CA13: variants seen among roughly 807,000 people sequenced by gnomAD.
The protein encoded by CA13 is carbonic anhydrase 13.
In CA13, 21 loss-of-function variants were observed where a neutral mutation model predicts 31.5. The observed-to-expected ratio is 0.67, with a 90% confidence interval of 0.47 to 0.96. The LOEUF (loss-of-function observed/expected upper bound fraction) is 0.96. Ranked by LOEUF, CA13 falls within the 40% of genes least tolerant of loss-of-function variation. CA13 has a pLI of 0.00. For missense variants in CA13, 315 were observed against 318.9 expected (o/e 0.99, Z 0.09); for synonymous variants, 117 against 111.4 (o/e 1.05, Z -0.32).
intron 1 of CA13, chr8:85,249,726 T>G: frequency 3.3e-6 from 1 of 305,150 alleles, no homozygotes; most frequent in Non-Finnish European, 6.6e-6. Flanking sequence ...TAGCCCAGTG[T>G]AGGTGGTGAT....
Position 85,259,553 on chromosome 8 carries a change from CAT to C in CA13, c.354+17_354+18del. The C allele has an allele frequency of 6.3e-7, 1 of 1,599,512 alleles. No homozygotes were observed. The highest frequency in any genetic ancestry group is 1.7e-4 in the Middle Eastern group (1 of 6,016). ...TATGCTGCAGAGGTAAGCCATAAGA[CAT>C]ATCTGTGATTCACAGTTTTCCCACA... On this transcript the variant is annotated intron_variant, in intron 3 of 6. Coordinates refer to ENST00000321764, the MANE Select transcript of CA13 (RefSeq NM_198584.3).
chr8:85,251,419 C>A (rs1007898519), intron 2 of CA13, among the ~76,000 whole-genome samples: 3 of 152,170 alleles, frequency 2.0e-5, no homozygotes, highest in Non-Finnish European at 2.9e-5. Flanking sequence ...TTCAGATAAT[C>A]TTACCTTAAA....
chr8:85,278,201 G>T (rs1260108537), intron 6 of CA13, among the ~76,000 whole-genome samples: 1 of 149,634 alleles, frequency 6.7e-6, no homozygotes, highest in Non-Finnish European at 1.5e-5. Flanking sequence ...AGGAGGCGGA[G>T]GTTGCAGTGA....
rs776008446 is a variant in CA13 at position 85,257,793 on chromosome 8, A to AT, written c.236-1615dup. Among the ~76,000 whole-genome samples the AT allele has an allele frequency of 6.4e-3, 893 of 138,600 alleles. 8 individuals are homozygous for AT. The highest frequency in any genetic ancestry group is 9.8e-3 in the Admixed American group (135 of 13,714). 90.9% of individuals were successfully genotyped at this position (138,600 alleles called of 152,430 possible). A position where few individuals can be genotyped will look rare whatever the true frequency, so the allele number is the denominator to read the frequency against. On this transcript the variant is annotated intron_variant, in intron 2 of 6. Transcript: ENST00000321764. ...GTGAGCACTTTTGGCTAATTTTTGT[A>AT]TTTTTTTTTTTTTCTTTTTGTAGAG...
intron 4 of CA13, chr8:85,267,181 G>C: frequency 1.1e-6 from 1 of 892,364 alleles, no homozygotes; most frequent in Non-Finnish European, 1.3e-6. Context: ...GAACAGGTTG[G>C]GCTTCTCACC....
chr8:85,259,763 C>T (rs1347332126), intron 3 of CA13, among the ~76,000 whole-genome samples: 1 of 152,164 alleles, frequency 6.6e-6, no homozygotes, highest in East Asian at 1.9e-4. Flanking sequence ...TATATGTTCC[C>T]ATTTTAGACA....
chr8:85,268,890 C>T (rs183999513), intron 6 of CA13, among the ~76,000 whole-genome samples: 5 of 152,216 alleles, frequency 3.3e-5, no homozygotes, highest in African/African-American at 1.2e-4. Context: ...TAATCATTTG[C>T]TTTTGGTTTG....
chr8:85,281,430 A>T lies in CA13; in HGVS notation c.*81A>T. On this transcript the variant is annotated 3_prime_UTR_variant, in exon 7 of 7. Coordinates refer to ENST00000321764, the MANE Select transcript of CA13 (RefSeq NM_198584.3). ...ACAAAGCACAAAAGTCTCTGCCAAC[A>T]ACTCTTTTGTGGAATTCTAATTTAT... is the stretch of plus-strand genomic sequence containing the variant. The T allele has an allele frequency of 6.5e-7, 1 of 1,545,778 alleles. No individual in the cohort carries two copies. Among genetic ancestry groups the T allele is most frequent in the South Asian group, 1.2e-5 (1 of 82,370 alleles).
chr8:85,254,208 G>A (rs1407860382), intron 2 of CA13, among the ~76,000 whole-genome samples: 1 of 151,338 alleles, frequency 6.6e-6, no homozygotes, highest in East Asian at 1.9e-4. Flanking sequence ...AACCCAGGAG[G>A]CGCAGGTTGC....
chr8:85,266,423 C>A (rs1807458272), intron 3 of CA13, among the ~76,000 whole-genome samples, 185 bp from the exon 4 acceptor site: 1 of 152,134 alleles, frequency 6.6e-6, no homozygotes. Flanking sequence ...TGACTGTGAT[C>A]CTTCACTGCA....
intron 6 of CA13, among the ~76,000 whole-genome samples, chr8:85,272,925 C>G (rs1460345168): frequency 1.3e-5 from 2 of 152,162 alleles, no homozygotes; most frequent in Admixed American, 1.3e-4. Flanking sequence ...TCAAGAGATT[C>G]TCCTGCCTCA....
At position 85,245,912 on chromosome 8, in the gene CA13, G is replaced by C. The variant is rs201498221; in HGVS notation, c.37+47G>C. On this transcript the variant is annotated intron_variant, in intron 1 of 6. Coordinates refer to ENST00000321764, the MANE Select transcript of CA13 (RefSeq NM_198584.3). ...AAGGGGGGGTTTGTGCGGGGGACGA[G>C]AGGACTAGCGCGACGCCCCGGCGCT... The C allele has an allele frequency of 6.8e-6, 11 of 1,611,230 alleles. No individual in the cohort carries two copies. The Admixed American group carries it at 1.7e-4, about 24-fold the overall frequency.
At chr8:85,255,982 A>C (rs1280784513) in intron 2 of CA13, among the ~76,000 whole-genome samples, 3 of 151,432 alleles carry the variant, frequency 2.0e-5, no homozygotes, top group Non-Finnish European at 4.4e-5. Context: ...TTACCTACCT[A>C]GCATGGTGCC....
intron 2 of CA13, among the ~76,000 whole-genome samples, chr8:85,257,900 G>T (rs1444899693): frequency 6.8e-6 from 1 of 147,544 alleles, no homozygotes; most frequent in African/African-American, 2.5e-5. Context: ...CCAAAGTGCT[G>T]GGATTACTGG....
intron 6 of CA13, among the ~76,000 whole-genome samples, chr8:85,276,400 C>T (rs977986247): frequency 1.3e-5 from 2 of 152,210 alleles, no homozygotes; most frequent in Admixed American, 6.5e-5. Flanking sequence ...ACCCAAGGGC[C>T]GAGGAGTGCG....
chr8:85,258,404 G>C (rs1037062760), intron 2 of CA13, among the ~76,000 whole-genome samples: 47 of 152,240 alleles, frequency 3.1e-4, no homozygotes, highest in African/African-American at 8.2e-4. Flanking sequence ...AGATATGACA[G>C]ATTTTTGAAA....
intron 2 of CA13, among the ~76,000 whole-genome samples, chr8:85,255,465 T>C (rs942107605): frequency 3.3e-5 from 5 of 152,068 alleles, no homozygotes; most frequent in Non-Finnish European, 5.9e-5. Context: ...GGTTTCGCCA[T>C]GTTGGTCAAG....
intron 6 of CA13, among the ~76,000 whole-genome samples, chr8:85,272,620 A>G (rs1225204903): frequency 6.6e-6 from 1 of 152,134 alleles, no homozygotes; most frequent in Non-Finnish European, 1.5e-5. Flanking sequence ...TTTTTAAAAA[A>G]TATATTTCAC....
chr8:85,270,280 G>A (rs1326852797), intron 6 of CA13, among the ~76,000 whole-genome samples: 1 of 152,024 alleles, frequency 6.6e-6, no homozygotes, highest in African/African-American at 2.4e-5. Context: ...ACCAGAGCTG[G>A]CCCACCTTTA....
Sources: allele counts gnomAD v4.1 joint callset (sites outside exome capture counted in the v4.1 genomes callset), GRCh38; gene constraint gnomAD v4.1.1; transcripts MANE v1.5; gene names NCBI Gene and HGNC (gene_info 2026-07-23, HGNC 2026-07-21).